PAK3: variants seen among roughly 807,000 people sequenced by gnomAD.
PAK3 encodes serine/threonine-protein kinase PAK 3.
Under a neutral mutation model 41.0 loss-of-function variants are expected in PAK3, and 4 were observed. That is an observed-to-expected ratio of 0.10 (90% CI 0.05 to 0.22). The LOEUF is 0.22. Among genes scored for constraint, PAK3 ranks in the 10% least tolerant of loss-of-function variants. The pLI is 1.00. For missense variants in PAK3, 205 were observed against 409.9 expected, an observed-to-expected ratio of 0.50 and a Z score of 4.32; for synonymous variants, 146 against 139.6, an observed-to-expected ratio of 1.05 and a Z score of -0.32.
At chrX:111,154,584 AG>A (rs2094077619) in intron 8 of PAK3, among the ~76,000 whole-genome samples, 1 of 111,915 alleles carries the variant, frequency 8.9e-6, no homozygotes, top group African/African-American at 3.2e-5. Flanking sequence ...CATGACAACA[AG>A]AGGAAAAACT....
At chrX:111,054,905 T>C (rs1029208565) in intron 1 of PAK3, among the ~76,000 whole-genome samples, 2 of 111,830 alleles carry the variant, frequency 1.8e-5, no homozygotes, top group Non-Finnish European at 1.9e-5. Flanking sequence ...TCAATGTTTA[T>C]ACTGATTGGT....
intron 4 of PAK3, among the ~76,000 whole-genome samples, chrX:111,117,898 G>T (rs1382878019): frequency 9.0e-6 from 1 of 111,423 alleles, no homozygotes; most frequent in Non-Finnish European, 1.9e-5. Flanking sequence ...GGTAATTTGG[G>T]CCCATCTAGC....
At chrX:111,047,702 G>A (rs937495517) in intron 1 of PAK3, among the ~76,000 whole-genome samples, 3 of 111,092 alleles carry the variant, frequency 2.7e-5, no homozygotes, top group African/African-American at 9.8e-5. Flanking sequence ...ACCAGGCTAC[G>A]GAGTTGGGCT....
intron 1 of PAK3, among the ~76,000 whole-genome samples, chrX:111,031,332 T>C (rs2092338310): frequency 9.0e-6 from 1 of 111,292 alleles, no homozygotes; most frequent in Non-Finnish European, 1.9e-5. Context: ...TGGGAATCCC[T>C]GGAAACCAAC....
chrX:111,009,555 A>T, intron 1 of PAK3, among the ~76,000 whole-genome samples: 1 of 111,568 alleles, frequency 9.0e-6, no homozygotes, highest in Non-Finnish European at 1.9e-5. Flanking sequence ...GACGTCTGAG[A>T]ATCACAGTCC....
intron 11 of PAK3, among the ~76,000 whole-genome samples, chrX:111,173,837 A>G (rs2094374722): frequency 1.8e-5 from 2 of 111,774 alleles, no homozygotes; most frequent in African/African-American, 6.5e-5. Flanking sequence ...TCAAAGTGAA[A>G]CTAGGCAGGT....
In PAK3 at chrX:111,024,334, C is replaced by T. The variant is rs1372980425; in HGVS notation, c.-28+79706C>T. 2.7e-5 allele frequency among the ~76,000 whole-genome samples: 3 copies of T among 111,439 alleles called. No individual in the cohort carries two copies. The Admixed American group carries it at 2.9e-4, about 11-fold the overall frequency. ...TTTGAAGTAAGGTAGAGTGATGCCT[C>T]CAGCTTTGTTCTTTTTGCTTAGGAT... On this transcript the variant is annotated intron_variant, in intron 1 of 14. Transcript: ENST00000425146.
chrX:111,215,196 C>A (rs1054783310), intron 16 of PAK3, among the ~76,000 whole-genome samples: 1 of 111,866 alleles, frequency 8.9e-6, no homozygotes, highest in Admixed American at 9.5e-5. Flanking sequence ...AATAAACTAT[C>A]TGGTACATAC....
At chrX:111,161,036 A>T (rs1470988892) in intron 8 of PAK3, among the ~76,000 whole-genome samples, 2 of 110,530 alleles carry the variant, frequency 1.8e-5, no homozygotes, top group Non-Finnish European at 3.8e-5. Context: ...CTGAGGAATC[A>T]CCACACTGAC....
chrX:110,948,224 A>C, intron 1 of PAK3, among the ~76,000 whole-genome samples: 1 of 112,244 alleles, frequency 8.9e-6, no homozygotes, highest in Middle Eastern at 4.6e-3. Context: ...TATCATCAGT[A>C]CAGCCTTCAG....
chrX:111,207,112 AT>A (rs2094760135), intron 16 of PAK3, among the ~76,000 whole-genome samples: 1 of 108,264 alleles, frequency 9.2e-6, no homozygotes, highest in Non-Finnish European at 1.9e-5. Flanking sequence ...ATATATATAC[AT>A]ATATACATAT....
At chrX:110,989,198 C>G (rs2091598258) in intron 1 of PAK3, among the ~76,000 whole-genome samples, 1 of 111,511 alleles carries the variant, frequency 9.0e-6, no homozygotes. Context: ...GCCAGTGAGG[C>G]CTTCTGTGTC....
intron 1 of PAK3, among the ~76,000 whole-genome samples, chrX:111,044,594 G>A (rs1294823483): frequency 8.9e-6 from 1 of 111,930 alleles, no homozygotes; most frequent in Admixed American, 9.5e-5. Context: ...AAACACAGGT[G>A]CCTTCTTGGC....
At chrX:111,129,652 C>T (rs190657947) in intron 5 of PAK3, among the ~76,000 whole-genome samples, 23 of 111,319 alleles carry the variant, frequency 2.1e-4, no homozygotes, top group Admixed American at 1.3e-3. Flanking sequence ...ATGGTAGCCC[C>T]GTAAAACCAA....
At chrX:111,001,282 C>A (rs986960083) in intron 1 of PAK3, among the ~76,000 whole-genome samples, 6 of 112,278 alleles carry the variant, frequency 5.3e-5, no homozygotes, top group African/African-American at 1.9e-4. Context: ...TCACAGATGA[C>A]AGAAACATGA....
chrX:110,986,332 G>T (rs977665359), intron 1 of PAK3, among the ~76,000 whole-genome samples: 2 of 111,756 alleles, frequency 1.8e-5, no homozygotes, highest in African/African-American at 6.5e-5. Context: ...ACCTTCACAT[G>T]GGAAGAGAAA....
chrX:111,009,698 A>G (rs1310227258), intron 1 of PAK3, among the ~76,000 whole-genome samples: 2 of 112,475 alleles, frequency 1.8e-5, no homozygotes, highest in Non-Finnish European at 1.9e-5. Flanking sequence ...ATTTGTACCT[A>G]TCGGCAAGAG....
intron 3 of PAK3, among the ~76,000 whole-genome samples, chrX:111,100,752 C>T (rs1050146963): frequency 9.0e-6 from 1 of 111,589 alleles, no homozygotes; most frequent in Non-Finnish European, 1.9e-5. Context: ...AGGTGGCAGC[C>T]CTAGTCCCCA....
intron 1 of PAK3, among the ~76,000 whole-genome samples, chrX:111,049,352 G>T (rs760377226): frequency 8.9e-6 from 1 of 112,120 alleles, no homozygotes; most frequent in Non-Finnish European, 1.9e-5. Flanking sequence ...CACACAACTA[G>T]GATGTAAGCA....
Sources: allele counts gnomAD v4.1 joint callset (sites outside exome capture counted in the v4.1 genomes callset), GRCh38; gene constraint gnomAD v4.1.1; transcripts MANE v1.5; gene names NCBI Gene and HGNC (gene_info 2026-07-23, HGNC 2026-07-21).